The following CCBE1 variants were observed in gnomAD, a reference collection of about 807,000 sequenced individuals.
CCBE1 encodes collagen and calcium-binding EGF domain-containing protein 1.
CCBE1 carries 37 observed loss-of-function variants against 50.0 expected under a neutral mutation model. That is an observed-to-expected ratio of 0.74 (90% CI 0.57 to 0.97). The LOEUF (loss-of-function observed/expected upper bound fraction) is 0.97. Among genes scored for constraint, CCBE1 ranks in the 50% least tolerant of loss-of-function variants. The pLI is 0.00. For missense variants in CCBE1, 538 were observed against 523.8 expected (o/e 1.03, Z -0.26); for synonymous variants, 234 against 203.7 (o/e 1.15, Z -1.27).
At chr18:59,560,500 G>A (rs2052719839) in intron 2 of CCBE1, among the ~76,000 whole-genome samples, 1 of 152,146 alleles carries the variant, frequency 6.6e-6, no homozygotes, top group Non-Finnish European at 1.5e-5. Flanking sequence ...CCTAATGCAT[G>A]CGGGGCTTAA....
chr18:59,558,875 C>A (rs1009104428), intron 2 of CCBE1, among the ~76,000 whole-genome samples: 3 of 152,210 alleles, frequency 2.0e-5, no homozygotes, highest in Non-Finnish European at 4.4e-5. Context: ...GATGAGAAAG[C>A]TAGTTTGAGA....
chr18:59,618,840 GT>G (rs5825352), intron 2 of CCBE1, among the ~76,000 whole-genome samples: 63 of 151,488 alleles, frequency 4.2e-4, no homozygotes, highest in East Asian at 1.4e-3. Context: ...AAACTACCCA[GT>G]TTTTTTTTAA....
At chr18:59,619,038 C>T (rs1332002802) in intron 2 of CCBE1, among the ~76,000 whole-genome samples, 1 of 151,934 alleles carries the variant, frequency 6.6e-6, no homozygotes, top group Non-Finnish European at 1.5e-5. Flanking sequence ...AACTTTTTCT[C>T]CTGTAAAATG....
intron 7 of CCBE1, among the ~76,000 whole-genome samples, chr18:59,444,516 T>A (rs1910585618): frequency 6.6e-6 from 1 of 152,154 alleles, no homozygotes; most frequent in East Asian, 1.9e-4. Context: ...AATACTTATT[T>A]TCTCGGTGGT....
rs189700794 is a variant in CCBE1 at position 59,454,919 on chromosome 18, C to T, written c.586G>A (p.Gly196Arg). The part of the protein sequence containing the change: ...HEKSENMVKA[G>R]TCCATCKEFY... Reference sequence around the variant, plus strand: ...TCCTTGCATGTGGCACAGCAAGTTCCGGCTTTCACCATGTTCTCAGACTTC... The same window carrying T: ...TCCTTGCATGTGGCACAGCAAGTTCTGGCTTTCACCATGTTCTCAGACTTC... Residue 196 changes from glycine (G) to arginine (R), a missense_variant, in exon 6 of 11, where the codon GGA becomes AGA. Physicochemically the swap from Gly to Arg is moderately radical, Grantham distance 125. Coordinates refer to ENST00000439986, the MANE Select transcript of CCBE1 (RefSeq NM_133459.4). The T allele has an allele frequency of 1.2e-4, 191 of 1,614,192 alleles. No individual in the cohort carries two copies. Among genetic ancestry groups the T allele is most frequent in the Admixed American group, 4.0e-4 (24 of 60,030 alleles).
At chr18:59,455,786 G>C (rs1295392747) in intron 5 of CCBE1, among the ~76,000 whole-genome samples, 1 of 152,212 alleles carries the variant, frequency 6.6e-6, no homozygotes, top group African/African-American at 2.4e-5. Flanking sequence ...AGCAGTGTGG[G>C]CTGAAAGTGC....
At chr18:59,462,908 T>C (rs1911560733) in intron 5 of CCBE1, among the ~76,000 whole-genome samples, 1 of 152,154 alleles carries the variant, frequency 6.6e-6, no homozygotes, top group South Asian at 2.1e-4. Flanking sequence ...TTAACGCAAA[T>C]AATACTAGAG....
chr18:59,624,710 A>C, intron 2 of CCBE1, among the ~76,000 whole-genome samples: 1 of 152,154 alleles, frequency 6.6e-6, no homozygotes, highest in East Asian at 1.9e-4. Flanking sequence ...AACAAAAGAG[A>C]GCCTTGGATG....
intron 2 of CCBE1, among the ~76,000 whole-genome samples, chr18:59,551,193 G>A (rs1915917641): frequency 6.6e-6 from 1 of 152,130 alleles, no homozygotes; most frequent in Admixed American, 6.5e-5. Context: ...TAGGCTGTAT[G>A]CTGTGGCCTA....
chr18:59,585,391 C>T (rs1237864945), intron 2 of CCBE1, among the ~76,000 whole-genome samples: 1 of 152,138 alleles, frequency 6.6e-6, no homozygotes, highest in Non-Finnish European at 1.5e-5. Context: ...TTATCTGCCT[C>T]TCCACCAAGA....
intron 2 of CCBE1, among the ~76,000 whole-genome samples, chr18:59,505,812 A>T (rs1913845300): frequency 1.3e-5 from 2 of 152,224 alleles, no homozygotes; most frequent in African/African-American, 4.8e-5. Context: ...ACAGGTTTGT[A>T]TAGGGGGTAA....
intron 2 of CCBE1, among the ~76,000 whole-genome samples, chr18:59,695,095 A>C (rs1568277818): frequency 6.6e-6 from 1 of 152,254 alleles, no homozygotes; most frequent in Non-Finnish European, 1.5e-5. Context: ...ATGGTTTCTG[A>C]AAATCTAACA....
intron 2 of CCBE1, among the ~76,000 whole-genome samples, chr18:59,683,102 GCTTTCC>G (rs1231115084): frequency 6.6e-6 from 1 of 152,212 alleles, no homozygotes; most frequent in Non-Finnish European, 1.5e-5. Context: ...GAATAAAAGT[GCTTTCC>G]CCTCATCATG....
intron 2 of CCBE1, among the ~76,000 whole-genome samples, chr18:59,549,635 C>A (rs1386136417): frequency 6.6e-6 from 1 of 152,138 alleles, no homozygotes; most frequent in Non-Finnish European, 1.5e-5. Context: ...GAGGGAGATG[C>A]CAGAACACAC....
intron 2 of CCBE1, among the ~76,000 whole-genome samples, chr18:59,677,712 T>C (rs971706614): frequency 2.0e-5 from 3 of 151,306 alleles, no homozygotes; most frequent in Admixed American, 2.0e-4. Context: ...AAAAAAAAAT[T>C]CCCCAGGATG....
chr18:59,539,860 A>G (rs1443491792), intron 2 of CCBE1, among the ~76,000 whole-genome samples: 2 of 152,220 alleles, frequency 1.3e-5, no homozygotes, highest in African/African-American at 2.4e-5. Flanking sequence ...TTTACTTTCT[A>G]TAGTTTACAT....
chr18:59,602,423 C>A (rs1305777294), intron 2 of CCBE1, among the ~76,000 whole-genome samples: 1 of 152,142 alleles, frequency 6.6e-6, no homozygotes, highest in African/African-American at 2.4e-5. Flanking sequence ...AGATTCAAGG[C>A]ACTGATCTTT....
intron 2 of CCBE1, among the ~76,000 whole-genome samples, chr18:59,619,040 TG>T (rs1238811635): frequency 6.6e-6 from 1 of 152,210 alleles, no homozygotes; most frequent in Non-Finnish European, 1.5e-5. Context: ...CTTTTTCTCC[TG>T]TAAAATGAAG....
chr18:59,645,827 C>G (rs1246686533), intron 2 of CCBE1, among the ~76,000 whole-genome samples: 3 of 152,056 alleles, frequency 2.0e-5, no homozygotes, highest in African/African-American at 4.8e-5. Flanking sequence ...ATCAGGAGAT[C>G]GAGACCATCC....
Sources: allele counts gnomAD v4.1 joint callset (sites outside exome capture counted in the v4.1 genomes callset), GRCh38; gene constraint gnomAD v4.1.1; transcripts MANE v1.5; gene names NCBI Gene and HGNC (gene_info 2026-07-23, HGNC 2026-07-21).